SOAT1: variants seen among roughly 807,000 people sequenced by gnomAD.
SOAT1 encodes sterol O-acyltransferase 1.
Under a neutral mutation model 69.5 loss-of-function variants are expected in SOAT1, and 55 were observed. The observed-to-expected ratio is 0.79, with a 90% CI of 0.64 to 0.99. The LOEUF is 0.99. SOAT1 is among the 50% of genes least tolerant of loss of function. The pLI, the probability that SOAT1 is intolerant of heterozygous loss-of-function variation, is 0.00. For missense variants in SOAT1, 580 were observed against 669.3 expected (o/e 0.87, Z 1.47); for synonymous variants, 231 against 224.7 (o/e 1.03, Z -0.25).
intron 9 of SOAT1, 151 bp downstream of exon 9, chr1:179,343,094 G>A: frequency 3.6e-6 from 2 of 554,330 alleles, no homozygotes; most frequent in Non-Finnish European, 6.5e-6. Context: ...CTCAAATGGT[G>A]AGTAGGGAAG....
chr1:179,304,982 C>T (rs1474874309), intron 2 of SOAT1, among the ~76,000 whole-genome samples: 2 of 152,110 alleles, frequency 1.3e-5, no homozygotes, highest in Admixed American at 1.3e-4. Context: ...ATTTGCATAC[C>T]ATTAAAGTCA....
chr1:179,318,697 T>C (rs191911915), intron 2 of SOAT1, among the ~76,000 whole-genome samples: 1 of 152,338 alleles, frequency 6.6e-6, no homozygotes, highest in East Asian at 1.9e-4. Context: ...GACATTGTCA[T>C]GTAAATAGGA....
Position 179,335,516 on chromosome 1 carries a change from C to G in SOAT1, c.188C>G (p.Pro63Arg), listed in dbSNP as rs747161546. 1.2e-6 allele frequency: 2 copies of G among 1,608,256 alleles called. No individual in the cohort carries two copies. Among genetic ancestry groups the G allele is most frequent in the Admixed American group, 3.4e-5 (2 of 58,886 alleles). Residue 63 changes from proline to arginine, a missense_variant, in exon 4 of 16, where the codon CCA becomes CGA. Physicochemically the swap from Pro to Arg is moderately radical, Grantham distance 103 (BLOSUM62 -2). Coordinates refer to ENST00000367619, the MANE Select transcript of SOAT1 (RefSeq NM_003101.6). ...KLTAEAEELK[P>R]FFMKEVGSHF... ...GTTTTAAAATTCTAGGAATTGAAGC[C>G]ATTTTTTATGAAGGAAGTTGGCAGT...
At chr1:179,342,034 T>C (rs1244632058) in intron 7 of SOAT1, 80 bp from the exon 8 acceptor site, 4 of 1,579,794 alleles carry the variant, frequency 2.5e-6, no homozygotes, top group Non-Finnish European at 3.4e-6. Flanking sequence ...ACTGGCTATC[T>C]ATAATGCATT....
At chr1:179,301,760 A>G (rs1407916847) in intron 1 of SOAT1, among the ~76,000 whole-genome samples, 1 of 152,178 alleles carries the variant, frequency 6.6e-6, no homozygotes, top group Non-Finnish European at 1.5e-5. Context: ...ACTTAACAAA[A>G]ACTTGTTTTT....
intron 3 of SOAT1, among the ~76,000 whole-genome samples, chr1:179,326,040 G>T (rs1444098234): frequency 6.6e-6 from 1 of 152,098 alleles, no homozygotes; most frequent in Non-Finnish European, 1.5e-5. Context: ...CTTGTTCCCT[G>T]ATGTTAAGGG....
Position 179,353,663 on chromosome 1 carries a change from C to G in SOAT1, c.*22C>G. 6.3e-7 allele frequency: 1 copy of G among 1,597,902 alleles called. No homozygotes were observed. The highest frequency in any genetic ancestry group is 1.3e-5 in the African/African-American group (1 of 74,654). On this transcript the variant is annotated 3_prime_UTR_variant, in exon 16 of 16. Coordinates refer to ENST00000367619, the MANE Select transcript of SOAT1 (RefSeq NM_003101.6). ...TTAGAAGCTTGGACTTTGTTTCCTC[C>G]TTGTCACTGAAGATTGGGTAGCTCC...
intron 1 of SOAT1, among the ~76,000 whole-genome samples, chr1:179,301,535 A>C (rs1414836950): frequency 6.6e-6 from 1 of 152,188 alleles, no homozygotes; most frequent in Non-Finnish European, 1.5e-5. Flanking sequence ...GAAGAAAAGC[A>C]GACTCTAGTA....
chr1:179,342,827 G>A, intron 8 of SOAT1, 35 bp from the exon 9 acceptor site: 1 of 1,502,096 alleles, frequency 6.7e-7, no homozygotes, highest in Non-Finnish European at 9.3e-7. Context: ...AAAAATCAAA[G>A]AGCCTTTGCT....
At chr1:179,312,736 T>C (rs1374955347) in intron 2 of SOAT1, among the ~76,000 whole-genome samples, 1 of 152,184 alleles carries the variant, frequency 6.6e-6, no homozygotes, top group Non-Finnish European at 1.5e-5. Flanking sequence ...TAACCATTGC[T>C]CCTTTCTAAT....
chr1:179,337,571 G>T (rs377182100), intron 4 of SOAT1, among the ~76,000 whole-genome samples: 1 of 152,066 alleles, frequency 6.6e-6, no homozygotes, highest in African/African-American at 2.4e-5. Flanking sequence ...ATAGGGGCTG[G>T]GTGTGGCGAG....
At chr1:179,351,021 CTTTTTTTT>C (rs201449849) in intron 14 of SOAT1, among the ~76,000 whole-genome samples, 85 of 127,564 alleles carry the variant, frequency 6.7e-4, no homozygotes, top group Middle Eastern at 4.1e-3. Context: ...ATATTTCTTT[CTTTTTTTT>C]TTTTTTTTTT....
chr1:179,350,681 A>G lies in SOAT1; in HGVS notation c.1450+250A>G, dbSNP rs12140800. 0.67 allele frequency among the ~76,000 whole-genome samples: 101,618 copies of G among 152,066 alleles called. 34,148 individuals are homozygous for G. The highest frequency in any genetic ancestry group is 0.88 in the East Asian group (4,548 of 5,184). On this transcript the variant is annotated intron_variant, in intron 14 of 15. Transcript: ENST00000367619. The stretch of plus-strand genomic sequence containing the variant: ...GAAGACCATTGATAACACTGATTTG[A>G]TAGGTCATAAAAGTTATCTATATAA...
chr1:179,321,144 G>A (rs1380594593), intron 2 of SOAT1, among the ~76,000 whole-genome samples: 1 of 151,944 alleles, frequency 6.6e-6, no homozygotes, highest in Non-Finnish European at 1.5e-5. Flanking sequence ...TGACTCAGGT[G>A]ATCCGCCTGC....
chr1:179,352,361 C>G (rs1322328314), intron 15 of SOAT1, among the ~76,000 whole-genome samples: 1 of 151,804 alleles, frequency 6.6e-6, no homozygotes, highest in Non-Finnish European at 1.5e-5. Context: ...ATTAGATCTA[C>G]TAGCACTAGC....
In SOAT1 at chr1:179,358,391, T is replaced by G. The variant is rs921094710; in HGVS notation, c.*4750T>G. 2.6e-5 allele frequency: 4 copies of G among 152,200 alleles called. No individual in the cohort carries two copies. The highest frequency in any genetic ancestry group is 1.9e-4 in the East Asian group (1 of 5,196). The allele number at this position is 152,200 out of a possible 1,614,324, so 9.4% of individuals were successfully genotyped here. On this transcript the variant is annotated 3_prime_UTR_variant, in exon 16 of 16. Transcript: ENST00000367619. ...TACTGCACCATGTCTTGTGGTGGTGTTTTCTTAATGAAATGGAAGCTGTAC... is the reference window on the plus strand; with the variant it reads ...TACTGCACCATGTCTTGTGGTGGTGGTTTCTTAATGAAATGGAAGCTGTAC...
chr1:179,353,450 A>T (rs1278053495), intron 15 of SOAT1, 135 bp from the exon 16 acceptor site: 1 of 764,322 alleles, frequency 1.3e-6, no homozygotes, highest in African/African-American at 1.8e-5. Context: ...AGCTGCTTAT[A>T]CCTTGAGGGT....
At position 179,357,612 on chromosome 1, in the gene SOAT1, C is replaced by A. The variant is rs7537139; in HGVS notation, c.*3971C>A. The A allele has an allele frequency of 0.67, 101,647 of 152,146 alleles. 34,143 individuals carry two copies. Among genetic ancestry groups the A allele is most frequent in the East Asian group, 0.88 (4,539 of 5,174 alleles). The allele number at this position is 152,146 out of a possible 1,614,324, so 9.4% of individuals were successfully genotyped here. On this transcript the variant is annotated 3_prime_UTR_variant, in exon 16 of 16. Coordinates refer to ENST00000367619, the MANE Select transcript of SOAT1 (RefSeq NM_003101.6). ...TCTGTTGAAATAAAATGTTACATAT[C>A]GCTGGGTGTAGTGGCTCATGCCTTT...
intron 2 of SOAT1, among the ~76,000 whole-genome samples, chr1:179,318,388 A>G (rs1464137793): frequency 1.3e-5 from 2 of 152,156 alleles, no homozygotes; most frequent in African/African-American, 4.8e-5. Context: ...ATTCTCATAA[A>G]AAATACTGTC....
Sources: gnomAD v4.1 joint callset for allele counts (sites outside exome capture counted in the v4.1 genomes callset) on GRCh38, gnomAD v4.1.1 for gene constraint, MANE v1.5 for transcripts, NCBI Gene and HGNC (gene_info 2026-07-23, HGNC 2026-07-21) for gene names.